DNMT1: variants seen among roughly 807,000 people sequenced by gnomAD.
The protein encoded by DNMT1 is DNA methyltransferase 1.
Under a neutral mutation model 205.3 loss-of-function variants are expected in DNMT1, and 24 were observed. That is an observed-to-expected ratio of 0.12 (90% CI 0.08 to 0.16). The LOEUF (loss-of-function observed/expected upper bound fraction) is 0.16, where lower values mean the gene tolerates loss of function less well. Ranked by LOEUF, DNMT1 falls within the 10% of genes least tolerant of loss-of-function variation. DNMT1 has a pLI of 1.00. For missense variants in DNMT1, 1,293 were observed against 2,177.7 expected, an observed-to-expected ratio of 0.59 and a Z score of 8.09; for synonymous variants, 817 against 839.8, an observed-to-expected ratio of 0.97 and a Z score of 0.47.
Position 10,138,153 on chromosome 19 carries a change from G to C in DNMT1, c.4116-144C>G. ...GGTCACATGGGTGGCAGTGTGCCTGGATGCCATCTGGAAGGGGGGATGGGG... is the reference window on the plus strand; with the variant it reads ...GGTCACATGGGTGGCAGTGTGCCTGCATGCCATCTGGAAGGGGGGATGGGG... On this transcript the variant is annotated intron_variant, in intron 35 of 40. Coordinates refer to ENST00000359526, the MANE Select transcript of DNMT1 (RefSeq NM_001130823.3). This position sits in a 1 kb window ranked among gnomAD's most constrained non-coding sequence, Gnocchi z 4.1. 1 of 1,151,572 alleles carries C rather than the reference G, an allele frequency of 8.7e-7. No individual in the cohort carries two copies. Among genetic ancestry groups the C allele is most frequent in the Non-Finnish European group, 1.2e-6 (1 of 801,450 alleles). The allele number at this position is 1,151,572 out of a possible 1,614,324, so 71.3% of individuals were successfully genotyped here.
At chr19:10,179,926 G>A (rs554963086) in intron 5 of DNMT1, 2 of 181,376 alleles carry the variant, frequency 1.1e-5, no homozygotes, top group East Asian at 1.5e-4. Context: ...GGAGGCGGAG[G>A]TTGCAGTGAG....
At position 10,155,988 on chromosome 19, in the gene DNMT1, TC is replaced by T. The variant is rs2038449219; in HGVS notation, c.1400-44del. 10 of 1,594,358 alleles carry T rather than the reference TC, an allele frequency of 6.3e-6. No individual in the cohort carries two copies. The East Asian group carries it at 2.2e-4, about 36-fold the overall frequency. On this transcript the variant is annotated intron_variant, in intron 18 of 40. Coordinates refer to ENST00000359526, the MANE Select transcript of DNMT1 (RefSeq NM_001130823.3). ...AATGGACTAAAGGCTCTGACTCACATCCCAAACCCAGGAGGCGCTCTAAGCG... is the reference window on the plus strand; with the variant it reads ...AATGGACTAAAGGCTCTGACTCACATCCAAACCCAGGAGGCGCTCTAAGCG...
In DNMT1 at chr19:10,140,794, T is replaced by G; in HGVS notation, c.3510A>C (p.Gly1170=). 6.2e-6 allele frequency: 10 copies of G among 1,614,020 alleles called. No homozygotes were observed. Among genetic ancestry groups the G allele is most frequent in the Non-Finnish European group, 8.5e-6 (10 of 1,179,958 alleles). The change falls in exon 32 of 41, where the codon GGA becomes GGC. Residue 1170 remains glycine (G), a synonymous_variant. Coordinates refer to ENST00000359526, the MANE Select transcript of DNMT1 (RefSeq NM_001130823.3). The surrounding 1 kb of genome is among the most constrained non-coding windows in gnomAD (Gnocchi z 8.4). The part of the protein sequence containing the change: ...VFSGCGGLSE[G]FHQAGISDTL... Reference sequence around the variant, plus strand: ...ACGGGCGCTCACCTGCTTGGTGGAATCCCTCCGACAACCCCCCGCAGCCAG... The same window carrying G: ...ACGGGCGCTCACCTGCTTGGTGGAAGCCCTCCGACAACCCCCCGCAGCCAG...
chr19:10,185,208 G>T (rs1470966114), intron 1 of DNMT1, among the ~76,000 whole-genome samples: 2 of 151,900 alleles, frequency 1.3e-5, no homozygotes, highest in Admixed American at 6.6e-5. Flanking sequence ...GGCGGATCAT[G>T]AGGTCAGGAG....
intron 40 of DNMT1, 67 bp downstream of exon 40, chr19:10,134,150 A>G (rs1189790948): frequency 4.4e-6 from 7 of 1,576,332 alleles, no homozygotes; most frequent in Non-Finnish European, 6.1e-6. Flanking sequence ...GTGGCCAGCA[A>G]CTGCCCCCAC....
At chr19:10,145,325 G>A (rs1270759054) in intron 28 of DNMT1, among the ~76,000 whole-genome samples, 1 of 152,168 alleles carries the variant, frequency 6.6e-6, no homozygotes, top group African/African-American at 2.4e-5. Context: ...TTCCCACCAA[G>A]GACAACCAGA....
chr19:10,174,015 G>T, intron 7 of DNMT1, 110 bp from the exon 8 acceptor site: 1 of 1,142,884 alleles, frequency 8.7e-7, no homozygotes, highest in Non-Finnish European at 1.3e-6. Flanking sequence ...GTTAGAGCAA[G>T]AGTGGGAAAA....
Position 10,142,226 on chromosome 19 carries a change from A to C in DNMT1, c.3117-6T>G. 1 of 1,613,892 alleles carries C rather than the reference A, an allele frequency of 6.2e-7. No individual in the cohort carries two copies. Among genetic ancestry groups the C allele is most frequent in the South Asian group, 1.1e-5 (1 of 91,082 alleles). On this transcript the variant is annotated splice_region_variant and splice_polypyrimidine_tract_variant and intron_variant, in intron 29 of 40. Transcript: ENST00000359526. ...ACTTGTGGGTGTTCTCAGGCCTGCG[A>C]GCGGGAGAGGCCTCGTTAGGAGCTC...
chr19:10,194,017 C>T (rs1338587640), intron 1 of DNMT1, among the ~76,000 whole-genome samples: 3 of 152,202 alleles, frequency 2.0e-5, no homozygotes, highest in Non-Finnish European at 4.4e-5. Context: ...CACTAAAGAA[C>T]ACACCCATGA....
chr19:10,141,740 G>A (rs538271008), intron 30 of DNMT1: 15 of 437,332 alleles, frequency 3.4e-5, no homozygotes, highest in African/African-American at 1.4e-4. Flanking sequence ...GGTCCTCAAC[G>A]TTCAGTTGCA....
Position 10,154,386 on chromosome 19 carries a change from C to T in DNMT1, c.1926G>A (p.Gln642=). Reference sequence around the variant, plus strand: ...GCTCTGCGAAGAAAGTATCGAAGATCTGGTAGACCAGCTTGGTGGTGGTGG... The same window carrying T: ...GCTCTGCGAAGAAAGTATCGAAGATTTGGTAGACCAGCTTGGTGGTGGTGG... ...TKATTTKLVY[Q]IFDTFFAEQI... The change falls in exon 22 of 41, where the codon CAG becomes CAA. Residue 642 remains glutamine, a synonymous_variant. Coordinates refer to ENST00000359526, the MANE Select transcript of DNMT1 (RefSeq NM_001130823.3). The surrounding 1 kb of genome is among the most constrained non-coding windows in gnomAD (Gnocchi z 6.3). The T allele has an allele frequency of 6.2e-7, 1 of 1,614,272 alleles. No individual in the cohort carries two copies.
intron 11 of DNMT1, among the ~76,000 whole-genome samples, chr19:10,165,176 C>T (rs2038662318): frequency 6.6e-6 from 1 of 151,878 alleles, no homozygotes; most frequent in Admixed American, 6.6e-5. Context: ...GAGGCTGAGG[C>T]GGGAAGATCA....
Position 10,142,016 on chromosome 19 carries a change from C to A in DNMT1, c.3309+12G>T. On this transcript the variant is annotated intron_variant, in intron 30 of 40. Transcript: ENST00000359526. ...ACCCCGAAGCCTTCCCTCTAGCAAGCAGGGGCACCACCTCGAGGAAGTAGA... is the reference window on the plus strand; with the variant it reads ...ACCCCGAAGCCTTCCCTCTAGCAAGAAGGGGCACCACCTCGAGGAAGTAGA... The A allele has an allele frequency of 1.2e-6, 2 of 1,612,050 alleles. No homozygotes were observed. The highest frequency in any genetic ancestry group is 1.7e-6 in the Non-Finnish European group (2 of 1,178,734).
At chr19:10,139,419 C>T (rs767797848) in intron 34 of DNMT1, among the ~76,000 whole-genome samples, 6 of 152,212 alleles carry the variant, frequency 3.9e-5, no homozygotes, top group Non-Finnish European at 5.9e-5. Flanking sequence ...AGCTGCATGG[C>T]GAGAAGCCCA....
intron 40 of DNMT1, 50 bp downstream of exon 40, chr19:10,134,167 C>T (rs745333646): frequency 1.0e-5 from 16 of 1,605,094 alleles, no homozygotes; most frequent in African/African-American, 1.3e-5. Flanking sequence ...CCACATGTAC[C>T]CCCAGAGGGC....
rs1452755314 is a variant in DNMT1, at chr19:10,137,209, C to T, written c.4365G>A (p.Leu1455=). The T allele has an allele frequency of 1.2e-6, 2 of 1,610,734 alleles. No homozygotes were observed. Among genetic ancestry groups the T allele is most frequent in the African/African-American group, 2.7e-5 (2 of 74,912 alleles). Residue 1455 remains leucine (L), a synonymous_variant, in exon 37 of 41, where the codon CTG becomes CTA. Transcript: ENST00000359526. The surrounding 1 kb of genome is among the most constrained non-coding windows in gnomAD (Gnocchi z 6.4). Reference sequence around the variant, plus strand: ...CTGAGAGCCGCACCTCGATGTTGGGCAGATCGCGCCAGTCTGACCCTGGGG... The same window carrying T: ...CTGAGAGCCGCACCTCGATGTTGGGTAGATCGCGCCAGTCTGACCCTGGGG... ...PLAPGSDWRD[L]PNIEVRLSDG... is the part of the protein sequence containing the mutation.
Position 10,159,860 on chromosome 19 carries a change from C to A in DNMT1, c.1152G>T (p.Gly384=). The A allele has an allele frequency of 1.2e-6, 2 of 1,614,196 alleles. No homozygotes were observed. The highest frequency in any genetic ancestry group is 1.7e-6 in the Non-Finnish European group (2 of 1,180,048). ...QYLDDPDLKY[G]QHPPDAVDEP... is the part of the protein sequence containing the mutation. ...TACGTACCGCGTCTGGTGGGTGCTG[C>A]CCATATTTGAGGTCAGGGTCGTCCA... Residue 384 remains glycine, a synonymous_variant, in exon 16 of 41, where the codon GGG becomes GGT. Transcript: ENST00000359526. This position sits in a 1 kb window ranked among gnomAD's most constrained non-coding sequence, Gnocchi z 5.0.
In DNMT1 at chr19:10,136,395, G is replaced by A; in HGVS notation, c.4490-108C>T. On this transcript the variant is annotated intron_variant, in intron 37 of 40. Coordinates refer to ENST00000359526, the MANE Select transcript of DNMT1 (RefSeq NM_001130823.3). ...AGAGATGGCACCTCCTGTGCAAGGGGCCCCCTGGGGTGGAGCAGCCAACAA... is the reference window on the plus strand; with the variant it reads ...AGAGATGGCACCTCCTGTGCAAGGGACCCCCTGGGGTGGAGCAGCCAACAA... 4 of 1,452,648 alleles carry A rather than the reference G, an allele frequency of 2.8e-6. No homozygotes were observed. In the South Asian group the frequency reaches 3.6e-5, roughly 13 times the overall value. 90.0% of individuals were successfully genotyped at this position (1,452,648 alleles called of 1,614,324 possible).
At chr19:10,179,057 AG>A (rs1462025686) in intron 5 of DNMT1, among the ~76,000 whole-genome samples, 1 of 145,104 alleles carries the variant, frequency 6.9e-6, no homozygotes, top group Admixed American at 7.3e-5. Context: ...TGAACCTGGG[AG>A]GCAGAGCTTG....
Sources: gnomAD v4.1 joint callset for allele counts (sites outside exome capture counted in the v4.1 genomes callset) on GRCh38, gnomAD v4.1.1 for gene constraint, Gnocchi (gnomAD v3.1) non-coding constraint, MANE v1.5 for transcripts, NCBI Gene and HGNC (gene_info 2026-07-23, HGNC 2026-07-21) for gene names.